SHOX2: variants seen among roughly 807,000 people sequenced by gnomAD.
The protein encoded by SHOX2 is SHOX homeobox 2.
In SHOX2, 13 loss-of-function variants were observed where a neutral mutation model predicts 31.3. The observed-to-expected ratio is 0.42, with a 90% CI of 0.27 to 0.66. The LOEUF (loss-of-function observed/expected upper bound fraction) is 0.66, where lower values mean the gene tolerates loss of function less well. SHOX2 is among the 30% of genes least tolerant of loss of function. The pLI, the probability that SHOX2 is intolerant of heterozygous loss-of-function variation, is 0.27. For missense variants in SHOX2, 473 were observed against 443.0 expected (o/e 1.07, Z -0.61); for synonymous variants, 244 against 196.2 (o/e 1.24, Z -2.04).
At chr3:158,105,290 G>T in intron 1 of SHOX2, 1 of 613,706 alleles carries the variant, frequency 1.6e-6, no homozygotes, top group Non-Finnish European at 2.9e-6. Flanking sequence ...CTAGAGGCTA[G>T]CTTTAGTCCC....
chr3:158,100,355 A>C, intron 2 of SHOX2, 44 bp from the exon 3 acceptor site: 1 of 1,491,898 alleles, frequency 6.7e-7, no homozygotes, highest in Non-Finnish European at 9.1e-7. Context: ...AGATGTTATG[A>C]CTAAAAATTT....
chr3:158,106,002 AC>A lies in SHOX2; in HGVS notation c.22del (p.Val8SerfsTer9), dbSNP rs763913404. On this transcript the variant is annotated frameshift_variant, in exon 1 of 5. Coordinates refer to ENST00000483851, the MANE Select transcript of SHOX2 (RefSeq NM_001163678.2). LOFTEE classifies it high-confidence loss of function. MEELTAF[V>X]SKSFDQKVKE... ...CACTTTCTGGTCAAAAGACTTGGAG[AC>A]GAACGCCGTAAGTTCTTCCATCGCC... The A allele has an allele frequency of 6.2e-7, 1 of 1,612,914 alleles. No individual in the cohort carries two copies. Among genetic ancestry groups the A allele is most frequent in the South Asian group, 1.1e-5 (1 of 91,060 alleles).
In SHOX2 at chr3:158,105,730, T is replaced by C. The variant is rs375389609; in HGVS notation, c.295A>G (p.Met99Val). The part of the protein sequence containing the change: ...GGRSPVRELD[M>V]GAAERSREPG... ...TCCCTGCTTCTCTCGGCGGCGCCCATGTCCAGCTCCCGGACGGGAGAGCGC... is the reference window on the plus strand; with the variant it reads ...TCCCTGCTTCTCTCGGCGGCGCCCACGTCCAGCTCCCGGACGGGAGAGCGC... The change falls in exon 1 of 5, where the codon ATG becomes GTG. Residue 99 changes from methionine to valine, a missense_variant. Coordinates refer to ENST00000483851, the MANE Select transcript of SHOX2 (RefSeq NM_001163678.2). The C allele has an allele frequency of 4.5e-5, 69 of 1,524,754 alleles. No individual in the cohort carries two copies. The highest frequency in any genetic ancestry group is 5.5e-5 in the Non-Finnish European group (63 of 1,137,170). 94.5% of individuals were successfully genotyped at this position (1,524,754 alleles called of 1,614,324 possible).
rs922492472 is a variant in SHOX2, at chr3:158,095,962, T to A, written c.*2065A>T. 2.0e-5 allele frequency: 3 copies of A among 152,634 alleles called. No homozygotes were observed. The highest frequency in any genetic ancestry group is 2.9e-5 in the Non-Finnish European group (2 of 68,048). 9.5% of individuals were successfully genotyped at this position (152,634 alleles called of 1,614,324 possible). A position where few individuals can be genotyped will look rare whatever the true frequency, so the allele number is the denominator to read the frequency against. On this transcript the variant is annotated 3_prime_UTR_variant, in exon 5 of 5. Coordinates refer to ENST00000483851, the MANE Select transcript of SHOX2 (RefSeq NM_001163678.2). ...TACGCATTAATCAAAAGGGAAAGAC[T>A]ATCCCGGATATTTTAATAGTAACAG...
intron 1 of SHOX2, chr3:158,103,588 C>A (rs902461378): frequency 3.9e-5 from 6 of 152,390 alleles, no homozygotes; most frequent in Admixed American, 6.5e-5. Context: ...CCCGCCTGCC[C>A]GACCGGGGTC....
At chr3:158,105,449 C>G (rs530920121) in intron 1 of SHOX2, among the ~76,000 whole-genome samples, 30 of 152,068 alleles carry the variant, frequency 2.0e-4, no homozygotes, top group African/African-American at 7.0e-4. Context: ...CGCACAAACC[C>G]CACACGCTTC....
rs1713251305 is a variant in SHOX2 at position 158,098,172 on chromosome 3, A to G, written c.815T>C (p.Leu272Pro). 4 of 1,613,566 alleles carry G rather than the reference A, an allele frequency of 2.5e-6. No individual in the cohort carries two copies. The highest frequency in any genetic ancestry group is 3.4e-6 in the Non-Finnish European group (4 of 1,179,722). ...ATCCGCGGCCAGCGTGGCGAGCGGC[A>G]GTCCGAAGGGCGGTGCTGGGAACAT... ...YMMFPAPPFG[L>P]PLATLAADSA... is the part of the protein sequence containing the mutation. The change falls in exon 5 of 5, where the codon CTG (leucine) becomes CCG (proline). Residue 272 changes from leucine (L) to proline (P), a missense_variant. Transcript: ENST00000483851.
Position 158,100,707 on chromosome 3 carries a change from C to A in SHOX2, c.556-396G>T, listed in dbSNP as rs572168643. On this transcript the variant is annotated intron_variant, in intron 2 of 4. Transcript: ENST00000483851. ...TAATTAGCTTCATCTTAAAGAAAAA[C>A]CAAACACCAGAGCAAATAATGACTC... Among the ~76,000 whole-genome samples the A allele has an allele frequency of 3.9e-5, 6 of 152,298 alleles. No homozygotes were observed. The South Asian group carries it at 1.2e-3, about 32-fold the overall frequency.
At chr3:158,101,600 T>C (rs200975537) in intron 2 of SHOX2, among the ~76,000 whole-genome samples, 4 of 142,410 alleles carry the variant, frequency 2.8e-5, no homozygotes, top group Non-Finnish European at 6.1e-5. Context: ...TTTTTTTTTT[T>C]CCTGATCCTG....
chr3:158,105,397 GA>G, intron 1 of SHOX2: 1 of 595,070 alleles, frequency 1.7e-6, no homozygotes, highest in East Asian at 2.8e-5. Flanking sequence ...TCCCGCTGGT[GA>G]AAAATGCATT....
In SHOX2 at chr3:158,097,475, G is replaced by A. The variant is rs958918551; in HGVS notation, c.*552C>T. On this transcript the variant is annotated 3_prime_UTR_variant, in exon 5 of 5. Coordinates refer to ENST00000483851, the MANE Select transcript of SHOX2 (RefSeq NM_001163678.2). The stretch of plus-strand genomic sequence containing the variant: ...AACTCCCCCCAGTCTCTCGAGAATC[G>A]TCTGGGTTGTTTTTCCATATTTTTA... The A allele has an allele frequency of 1.3e-5, 2 of 152,118 alleles. No individual in the cohort carries two copies. The highest frequency in any genetic ancestry group is 2.9e-5 in the Non-Finnish European group (2 of 68,050). 9.4% of individuals were successfully genotyped at this position (152,118 alleles called of 1,614,324 possible).
chr3:158,101,153 T>C lies in SHOX2; in HGVS notation c.556-842A>G, dbSNP rs549322481. On this transcript the variant is annotated intron_variant, in intron 2 of 4. Transcript: ENST00000483851. ...AAAATTCAAATAAAGCTTGCTTTTG[T>C]ATTCCACTTTCAATAATAAAGCATA... Among the ~76,000 whole-genome samples, 30 of 152,380 alleles carry C rather than the reference T, an allele frequency of 2.0e-4. 1 individual carries two copies. The East Asian group carries it at 4.2e-3, about 22-fold the overall frequency.
At chr3:158,101,060 T>C (rs2108125018) in intron 2 of SHOX2, among the ~76,000 whole-genome samples, 1 of 152,358 alleles carries the variant, frequency 6.6e-6, no homozygotes, top group South Asian at 2.1e-4. Flanking sequence ...AACTCTTAGG[T>C]ACTTTGTTCT....
In SHOX2 at chr3:158,098,204, G is replaced by A. The variant is rs142487326; in HGVS notation, c.783C>T (p.Pro261=). ...HLHPHLAAHA[P]YMMFPAPPFG... Reference sequence around the variant, plus strand: ...AGGGCGGTGCTGGGAACATCATGTAGGGCGCGTGCGCGGCCAGGTGCGGAT... The same window carrying A: ...AGGGCGGTGCTGGGAACATCATGTAAGGCGCGTGCGCGGCCAGGTGCGGAT... Residue 261 remains proline, a synonymous_variant, in exon 5 of 5, where the codon CCC becomes CCT. Coordinates refer to ENST00000483851, the MANE Select transcript of SHOX2 (RefSeq NM_001163678.2). 96 of 1,613,872 alleles carry A rather than the reference G, an allele frequency of 5.9e-5. No individual in the cohort carries two copies. In the African/African-American group the frequency reaches 8.7e-4, roughly 15 times the overall value.
At chr3:158,103,309 G>A in intron 1 of SHOX2, 2 of 250,916 alleles carry the variant, frequency 8.0e-6, no homozygotes, top group Non-Finnish European at 1.6e-5. Context: ...CTGGACATAA[G>A]GGCGCGGCAA....
In SHOX2 at chr3:158,097,893, C is replaced by T. The variant is rs1167929259; in HGVS notation, c.*134G>A. On this transcript the variant is annotated 3_prime_UTR_variant, in exon 5 of 5. Coordinates refer to ENST00000483851, the MANE Select transcript of SHOX2 (RefSeq NM_001163678.2). ...TCCGAGTCCAAGATGCGATAGGGGA[C>T]GAGGGATGGTCAGTGAGGCGGGAAG... The T allele has an allele frequency of 5.2e-6, 6 of 1,157,052 alleles. No individual in the cohort carries two copies. Among genetic ancestry groups the T allele is most frequent in the African/African-American group, 3.1e-5 (2 of 64,580 alleles). The allele number at this position is 1,157,052 out of a possible 1,614,324, so 71.7% of individuals were successfully genotyped here. A position where few individuals can be genotyped will look rare whatever the true frequency, so the allele number is the denominator to read the frequency against.
chr3:158,098,546 AC>A (rs1713281744), intron 4 of SHOX2, among the ~76,000 whole-genome samples: 1 of 151,952 alleles, frequency 6.6e-6, no homozygotes, highest in African/African-American at 2.4e-5. Flanking sequence ...GACCCCGGGA[AC>A]CCCCTTCTGC....
At position 158,105,792 on chromosome 3, in the gene SHOX2, A is replaced by ACACCTCCTC. The variant is rs770635670; in HGVS notation, c.224_232dup (p.Gly75_Gly77dup). The ACACCTCCTC allele has an allele frequency of 0.014, 21,141 of 1,466,036 alleles. 199 individuals carry two copies. Among genetic ancestry groups the ACACCTCCTC allele is most frequent in the Non-Finnish European group, 0.017 (18,707 of 1,111,942 alleles). 90.8% of individuals were successfully genotyped at this position (1,466,036 alleles called of 1,614,324 possible). On this transcript the variant is annotated inframe_insertion, in exon 1 of 5. Transcript: ENST00000483851. ...TCCTCCGCCTGCTCCTCCTCCTCCTACACCTCCTCCGCCTCCTCCGCCGCC... is the reference window on the plus strand; with the variant it reads ...TCCTCCGCCTGCTCCTCCTCCTCCTACACCTCCTCCACCTCCTCCGCCTCCTCCGCCGCC...
intron 1 of SHOX2, chr3:158,105,264 C>T: frequency 1.5e-6 from 1 of 651,918 alleles, no homozygotes; most frequent in South Asian, 1.8e-5. Flanking sequence ...CCTTCTCCCT[C>T]CCGGCAAACT....
Sources: gnomAD v4.1 joint callset for allele counts (sites outside exome capture counted in the v4.1 genomes callset) on GRCh38, gnomAD v4.1.1 for gene constraint, MANE v1.5 for transcripts, NCBI Gene and HGNC (gene_info 2026-07-23, HGNC 2026-07-21) for gene names.